Variants in MAGI2 observed in about 807,000 individuals in gnomAD.
MAGI2 encodes the protein membrane-associated guanylate kinase, WW and PDZ domain-containing protein 2.
Under a neutral mutation model 133.3 loss-of-function variants are expected in MAGI2, and 35 were observed. The observed-to-expected ratio is 0.26, with a 90% CI of 0.20 to 0.35. The LOEUF is 0.35. Ranked by LOEUF, MAGI2 falls within the 10% of genes least tolerant of loss-of-function variation. The pLI is 1.00. For synonymous variants in MAGI2, 729 were observed against 710.6 expected (o/e 1.03, Z -0.41); for missense variants, 1,636 against 1,863.4 (o/e 0.88, Z 2.25).
At chr7:78,628,415 A>C (rs1300106776) in intron 2 of MAGI2, among the ~76,000 whole-genome samples, 1 of 152,120 alleles carries the variant, frequency 6.6e-6, no homozygotes, top group Non-Finnish European at 1.5e-5. Context: ...TGTTCTCTGC[A>C]TTTGAAATCT....
intron 4 of MAGI2, among the ~76,000 whole-genome samples, chr7:78,516,691 G>T (rs1372535626): frequency 6.6e-6 from 1 of 152,126 alleles, no homozygotes; most frequent in Non-Finnish European, 1.5e-5. Flanking sequence ...ACCTATGGTG[G>T]AATAAAAGGT....
intron 17 of MAGI2, 198 bp downstream of exon 17, chr7:78,134,823 G>A (rs1315875410): frequency 2.0e-5 from 11 of 556,302 alleles, no homozygotes; most frequent in Admixed American, 3.2e-5. Flanking sequence ...AATGAAACAG[G>A]TACTGAGTAA....
chr7:79,283,538 G>A (rs1007850310), intron 1 of MAGI2, among the ~76,000 whole-genome samples: 2 of 152,044 alleles, frequency 1.3e-5, no homozygotes, highest in African/African-American at 4.8e-5. Context: ...CACCAGTAAT[G>A]ACTGACCAAA....
chr7:78,325,686 A>C (rs1386546312), intron 9 of MAGI2, among the ~76,000 whole-genome samples: 1 of 152,208 alleles, frequency 6.6e-6, no homozygotes, highest in Non-Finnish European at 1.5e-5. Flanking sequence ...AAACCAATGC[A>C]TTAAGAACCA....
chr7:78,043,354 A>AG (rs1811054791), intron 21 of MAGI2, among the ~76,000 whole-genome samples: 1 of 143,260 alleles, frequency 7.0e-6, no homozygotes, highest in South Asian at 2.1e-4. Flanking sequence ...CAGGTGGAGT[A>AG]GGGGGTGGGA....
At chr7:79,126,336 C>T (rs1440493032) in intron 1 of MAGI2, among the ~76,000 whole-genome samples, 1 of 152,166 alleles carries the variant, frequency 6.6e-6, no homozygotes, top group African/African-American at 2.4e-5. Flanking sequence ...GACTGTGAAT[C>T]AAGGTGTGTG....
intron 3 of MAGI2, among the ~76,000 whole-genome samples, chr7:78,530,172 C>T (rs967984500): frequency 1.2e-4 from 18 of 152,116 alleles, no homozygotes; most frequent in African/African-American, 3.1e-4. Context: ...ACATCTCTGT[C>T]GTAAATAACT....
chr7:78,864,331 T>G (rs1794383508), intron 2 of MAGI2, among the ~76,000 whole-genome samples: 1 of 152,222 alleles, frequency 6.6e-6, no homozygotes, highest in Non-Finnish European at 1.5e-5. Context: ...ACGTATACCA[T>G]TCTACAGCAT....
At chr7:79,434,167 T>C (rs1478654236) in intron 1 of MAGI2, among the ~76,000 whole-genome samples, 1 of 152,074 alleles carries the variant, frequency 6.6e-6, no homozygotes, top group Non-Finnish European at 1.5e-5. Context: ...AAATCTCTTA[T>C]TTTAAGTAAA....
chr7:78,196,460 A>G (rs1227632234), intron 11 of MAGI2, among the ~76,000 whole-genome samples: 1 of 152,234 alleles, frequency 6.6e-6, no homozygotes, highest in African/African-American at 2.4e-5. Flanking sequence ...GATATACACT[A>G]CATTGAACTT....
At chr7:78,271,058 A>C (rs1794520430) in intron 9 of MAGI2, among the ~76,000 whole-genome samples, 1 of 151,820 alleles carries the variant, frequency 6.6e-6, no homozygotes, top group Non-Finnish European at 1.5e-5. Flanking sequence ...CAAAGGGGGG[A>C]ATGCTTACAG....
At chr7:78,474,790 A>G (rs553816639) in intron 6 of MAGI2, among the ~76,000 whole-genome samples, 23 of 151,808 alleles carry the variant, frequency 1.5e-4, no homozygotes, top group African/African-American at 5.3e-4. Flanking sequence ...GTTTTTCTAG[A>G]AAATATAGTG....
chr7:78,357,545 A>G (rs1004523451), intron 7 of MAGI2, among the ~76,000 whole-genome samples: 1 of 152,240 alleles, frequency 6.6e-6, no homozygotes, highest in African/African-American at 2.4e-5. Flanking sequence ...AACTGGAGAA[A>G]GTGAAGTAAG....
At chr7:79,372,334 C>T (rs1185893520) in intron 1 of MAGI2, among the ~76,000 whole-genome samples, 1 of 151,482 alleles carries the variant, frequency 6.6e-6, no homozygotes, top group Non-Finnish European at 1.5e-5. Flanking sequence ...GAGGATTTCG[C>T]AGGAAGAGAT....
At chr7:79,266,080 T>C (rs1489877300) in intron 1 of MAGI2, among the ~76,000 whole-genome samples, 1 of 152,130 alleles carries the variant, frequency 6.6e-6, no homozygotes, top group African/African-American at 2.4e-5. Context: ...CACTACTTCA[T>C]GCAGTTACAA....
intron 6 of MAGI2, among the ~76,000 whole-genome samples, chr7:78,479,183 G>A (rs1288824350): frequency 6.6e-6 from 1 of 151,956 alleles, no homozygotes; most frequent in Non-Finnish European, 1.5e-5. Flanking sequence ...CAATTTCACA[G>A]TGATTTTGCA....
intron 2 of MAGI2, among the ~76,000 whole-genome samples, chr7:78,987,547 G>T (rs1805380353): frequency 1.3e-5 from 2 of 151,974 alleles, no homozygotes; most frequent in African/African-American, 4.8e-5. Flanking sequence ...TCAAGTCACG[G>T]ATTTATCTAA....
intron 6 of MAGI2, among the ~76,000 whole-genome samples, chr7:78,460,045 A>C (rs1184116526): frequency 6.6e-6 from 1 of 152,264 alleles, no homozygotes; most frequent in Non-Finnish European, 1.5e-5. Context: ...ACACAAGACA[A>C]GAATTTAATA....
intron 20 of MAGI2, among the ~76,000 whole-genome samples, chr7:78,108,357 T>A (rs535894561): frequency 2.0e-4 from 30 of 152,332 alleles, no homozygotes; most frequent in African/African-American, 7.0e-4. Context: ...AATTTCAATT[T>A]GTTTGAATTT....
Sources: gnomAD v4.1 joint callset for allele counts (sites outside exome capture counted in the v4.1 genomes callset) on GRCh38, gnomAD v4.1.1 for gene constraint, MANE v1.5 for transcripts, NCBI Gene and HGNC (gene_info 2026-07-23, HGNC 2026-07-21) for gene names.